Variants in KIAA0825 observed in about 807,000 individuals in gnomAD.
KIAA0825 encodes the protein uncharacterized protein KIAA0825.
KIAA0825 carries 119 observed loss-of-function variants against 147.6 expected under a neutral mutation model. That is an observed-to-expected ratio of 0.81 (90% confidence interval 0.69 to 0.94). The LOEUF (loss-of-function observed/expected upper bound fraction) is 0.94. KIAA0825 is among the 40% of genes least tolerant of loss of function. KIAA0825 has a pLI of 0.00. For missense variants in KIAA0825, 1,381 were observed against 1,472.7 expected (o/e 0.94, Z 1.02); for synonymous variants, 470 against 518.1 (o/e 0.91, Z 1.26).
At chr5:94,609,269 G>C (rs757687666) in intron 1 of KIAA0825, among the ~76,000 whole-genome samples, 17 of 152,122 alleles carry the variant, frequency 1.1e-4, no homozygotes, top group Non-Finnish European at 2.2e-4. Context: ...CTGAAATTCA[G>C]CTCTCTTTTA....
intron 20 of KIAA0825, among the ~76,000 whole-genome samples, chr5:94,298,938 G>A (rs765273294): frequency 6.6e-6 from 1 of 152,078 alleles, no homozygotes; most frequent in African/African-American, 2.4e-5. Flanking sequence ...CAGCTCTTAG[G>A]ATAGGTAACA....
chr5:94,255,961 G>A (rs543748227), intron 20 of KIAA0825, among the ~76,000 whole-genome samples: 87 of 151,986 alleles, frequency 5.7e-4, no homozygotes, highest in African/African-American at 2.1e-3. Context: ...TAATCTGCCT[G>A]CCTCAGCCTC....
intron 20 of KIAA0825, among the ~76,000 whole-genome samples, chr5:94,303,345 A>G (rs1312403820): frequency 1.3e-5 from 2 of 152,090 alleles, no homozygotes; most frequent in Non-Finnish European, 2.9e-5. Context: ...GTATTAAAAC[A>G]TATATTACTA....
intron 20 of KIAA0825, among the ~76,000 whole-genome samples, chr5:94,233,288 G>T (rs1021365369): frequency 6.6e-6 from 1 of 152,212 alleles, no homozygotes; most frequent in East Asian, 1.9e-4. Flanking sequence ...GATTCCTAAA[G>T]AGAAGCATCG....
intron 8 of KIAA0825, among the ~76,000 whole-genome samples, chr5:94,471,934 C>T (rs1301906647): frequency 6.6e-6 from 1 of 152,130 alleles, no homozygotes; most frequent in African/African-American, 2.4e-5. Flanking sequence ...ATGCTTCTCT[C>T]TATATAACTT....
chr5:94,335,119 CATT>C (rs1781675330), intron 20 of KIAA0825, among the ~76,000 whole-genome samples: 1 of 152,164 alleles, frequency 6.6e-6, no homozygotes, highest in Non-Finnish European at 1.5e-5. Flanking sequence ...ATTACCCCCT[CATT>C]ACTTATCTTC....
At chr5:94,466,656 G>T (rs937201299) in intron 10 of KIAA0825, among the ~76,000 whole-genome samples, 1 of 144,322 alleles carries the variant, frequency 6.9e-6, no homozygotes, top group Non-Finnish European at 1.5e-5. Flanking sequence ...AAAATGGAGT[G>T]AACCCGGGAG....
chr5:94,223,620 A>G lies in KIAA0825; in HGVS notation c.3711-69496T>C, dbSNP rs140966373. Among the ~76,000 whole-genome samples, 5 of 152,354 alleles carry G rather than the reference A, an allele frequency of 3.3e-5. 1 individual carries two copies. The highest frequency in any genetic ancestry group is 3.3e-4 in the Admixed American group (5 of 15,302). ...TCCACTTACAAACAGTGTTTTAAGTATTCCTATGATGTACAAATATGCTAA... is the reference window on the plus strand; with the variant it reads ...TCCACTTACAAACAGTGTTTTAAGTGTTCCTATGATGTACAAATATGCTAA... On this transcript the variant is annotated intron_variant, in intron 20 of 20. Transcript: ENST00000682413.
chr5:94,319,148 G>A (rs1221410321), intron 20 of KIAA0825, among the ~76,000 whole-genome samples: 1 of 151,914 alleles, frequency 6.6e-6, no homozygotes, highest in African/African-American at 2.4e-5. Context: ...GAAGTGACAA[G>A]TGACTCAAAG....
chr5:94,175,591 C>T (rs1006429505), intron 20 of KIAA0825, among the ~76,000 whole-genome samples: 1 of 152,132 alleles, frequency 6.6e-6, no homozygotes, highest in South Asian at 2.1e-4. Context: ...TTACAGCATT[C>T]CCCTGTATTC....
At chr5:94,559,553 TCCTA>T (rs1369336318) in intron 2 of KIAA0825, among the ~76,000 whole-genome samples, 3 of 152,216 alleles carry the variant, frequency 2.0e-5, no homozygotes, top group Admixed American at 6.5e-5. Context: ...ATATTTTGTT[TCCTA>T]CCTATATAAG....
chr5:94,331,148 A>C (rs969253941), intron 20 of KIAA0825, among the ~76,000 whole-genome samples: 1 of 151,858 alleles, frequency 6.6e-6, no homozygotes, highest in African/African-American at 2.4e-5. Flanking sequence ...AAAAAAAAGA[A>C]AGAAAGAGAG....
At chr5:94,593,318 T>G (rs1416505192) in intron 1 of KIAA0825, 1 of 818,406 alleles carries the variant, frequency 1.2e-6, no homozygotes, top group South Asian at 1.3e-5. Context: ...CATAGGAACT[T>G]GGAAACCATC....
At chr5:94,280,617 G>A (rs151056787) in intron 20 of KIAA0825, among the ~76,000 whole-genome samples, 43 of 152,096 alleles carry the variant, frequency 2.8e-4, no homozygotes, top group South Asian at 2.3e-3. Flanking sequence ...ATCTCCTTAT[G>A]TGTAACCTAT....
intron 6 of KIAA0825, among the ~76,000 whole-genome samples, chr5:94,482,476 C>T (rs1055458231): frequency 1.3e-5 from 2 of 152,018 alleles, no homozygotes; most frequent in African/African-American, 4.8e-5. Context: ...GACTTCCTCT[C>T]TATTTTCCCC....
At chr5:94,257,197 G>A (rs1436399068) in intron 20 of KIAA0825, among the ~76,000 whole-genome samples, 2 of 152,086 alleles carry the variant, frequency 1.3e-5, no homozygotes, top group African/African-American at 2.4e-5. Context: ...GACTTTAGAT[G>A]TAGTTCCTTC....
chr5:94,311,877 T>A (rs1779216118), intron 20 of KIAA0825, among the ~76,000 whole-genome samples: 1 of 151,666 alleles, frequency 6.6e-6, no homozygotes, highest in Admixed American at 6.6e-5. Flanking sequence ...GAAATGAAGT[T>A]TCTTTTCAAA....
chr5:94,197,057 GT>G (rs1771199007), intron 20 of KIAA0825, among the ~76,000 whole-genome samples: 2 of 152,192 alleles, frequency 1.3e-5, no homozygotes, highest in African/African-American at 4.8e-5. Context: ...GTTTTCTGCA[GT>G]GACTGAACTA....
Position 94,152,847 on chromosome 5 carries a change from AAAAAAAAAT to A in KIAA0825, c.*1151_*1159del, listed in dbSNP as rs1562283998. 8 of 30,148 alleles carry A rather than the reference AAAAAAAAAT, an allele frequency of 2.7e-4. No homozygotes were observed. Among genetic ancestry groups the A allele is most frequent in the East Asian group, 6.6e-4 (1 of 1,504 alleles). 1.9% of individuals were successfully genotyped at this position (30,148 alleles called of 1,614,324 possible). On this transcript the variant is annotated 3_prime_UTR_variant, in exon 21 of 21. Coordinates refer to ENST00000682413, the MANE Select transcript of KIAA0825 (RefSeq NM_001145678.3). ...AAAAAAAAAAAAAAAAAAAAAAAAA[AAAAAAAAAT>A]TATATATATATATATATATATATAT...
Sources: allele counts gnomAD v4.1 joint callset (sites outside exome capture counted in the v4.1 genomes callset), GRCh38; gene constraint gnomAD v4.1.1; transcripts MANE v1.5; gene names NCBI Gene and HGNC (gene_info 2026-07-23, HGNC 2026-07-21).